The following ZNF765 variants were observed in gnomAD, a reference collection of about 807,000 sequenced individuals.
ZNF765 encodes the protein zinc finger protein 765.
A neutral mutation model predicts 44.7 loss-of-function variants in ZNF765; 37 were observed. The ratio of observed to expected loss-of-function variants is 0.83; its 90% CI spans 0.64 to 1.09. ZNF765 has a LOEUF of 1.09. Ranked by LOEUF, ZNF765 falls within the 50% of genes least tolerant of loss-of-function variation. The pLI, the probability that ZNF765 is intolerant of heterozygous loss-of-function variation, is 0.00. For synonymous variants in ZNF765, 201 were observed against 213.7 expected (o/e 0.94, Z 0.52); for missense variants, 594 against 626.1 (o/e 0.95, Z 0.55).
intron 3 of ZNF765, among the ~76,000 whole-genome samples, chr19:53,403,189 G>A (rs891575018): frequency 1.3e-5 from 2 of 151,904 alleles, no homozygotes; most frequent in African/African-American, 2.4e-5. Flanking sequence ...AATTTCATAT[G>A]TGTGTCCTTA....
chr19:53,401,424 G>C (rs1161797035), intron 2 of ZNF765, among the ~76,000 whole-genome samples: 1 of 152,050 alleles, frequency 6.6e-6, no homozygotes, highest in Non-Finnish European at 1.5e-5. Context: ...TTAGCTGGGC[G>C]TGGTGGTGGG....
chr19:53,416,003 G>A (rs1390664681), downstream of ZNF765, among the ~76,000 whole-genome samples: 3 of 152,016 alleles, frequency 2.0e-5, no homozygotes, highest in African/African-American at 7.2e-5. Context: ...CAACCAGGCT[G>A]CAGTGCAGTG....
chr19:53,397,901 A>G (rs62117275), intron 1 of ZNF765, 42 bp from the exon 2 acceptor site: 807,856 of 1,480,354 alleles, frequency 0.55, 234,584 homozygotes, highest in Non-Finnish European at 0.6. Context: ...GGGAGGGGAT[A>G]TGTTGATTCT....
At chr19:53,402,035 C>A (rs758197343) in intron 2 of ZNF765, 30 bp from the exon 3 acceptor site, 1 of 1,613,896 alleles carries the variant, frequency 6.2e-7, no homozygotes, top group Non-Finnish European at 8.5e-7. Flanking sequence ...CCTCCCATAA[C>A]CATTTGGTTA....
At chr19:53,412,399 ACATC>A (rs2085840946), downstream of ZNF765, among the ~76,000 whole-genome samples, 1 of 152,184 alleles carries the variant, frequency 6.6e-6, no homozygotes, top group Non-Finnish European at 1.5e-5. Context: ...AATCCTTTTT[ACATC>A]CTCTTGAATA....
chr19:53,401,779 G>C lies in ZNF765; in HGVS notation c.16-286G>C, dbSNP rs142334926. Reference sequence around the variant, plus strand: ...TAATTTCAGCTATTCAGGAGGCTAAGGCAGGAGAATCGTTTGATCCTGGGA... The same window carrying C: ...TAATTTCAGCTATTCAGGAGGCTAACGCAGGAGAATCGTTTGATCCTGGGA... On this transcript the variant is annotated intron_variant, in intron 2 of 3. Coordinates refer to ENST00000396408, the MANE Select transcript of ZNF765 (RefSeq NM_001040185.3). Among the ~76,000 whole-genome samples the C allele has an allele frequency of 4.1e-3, 616 of 151,970 alleles. 6 individuals carry two copies. Among genetic ancestry groups the C allele is most frequent in the African/African-American group, 0.014 (598 of 41,450 alleles).
At chr19:53,406,034 T>G (rs1269015252) in intron 3 of ZNF765, among the ~76,000 whole-genome samples, 1 of 4,860 alleles carries the variant, frequency 2.1e-4, no homozygotes, top group Non-Finnish European at 7.6e-4. Flanking sequence ...TCAATTTTTT[T>G]TTTTTTTTTT....
chr19:53,409,988 G>A lies in ZNF765; in HGVS notation c.*861G>A. On this transcript the variant is annotated 3_prime_UTR_variant, in exon 4 of 4. Coordinates refer to ENST00000396408, the MANE Select transcript of ZNF765 (RefSeq NM_001040185.3). ...AAATCATTGGAGAATCCATAATGAA[G>A]AGAGATCCTACAAGTGTGATAAATG... 1.8e-6 allele frequency: 1 copy of A among 542,680 alleles called. No homozygotes were observed. Among genetic ancestry groups the A allele is most frequent in the South Asian group, 1.5e-5 (1 of 66,994 alleles). The allele number at this position is 542,680 out of a possible 1,614,324, so 33.6% of individuals were successfully genotyped here.
At chr19:53,424,959 C>G (rs778250320) in exon 4 of ZNF765, 1 of 152,286 alleles carries the variant, frequency 6.6e-6, no homozygotes, top group Non-Finnish European at 1.5e-5. Flanking sequence ...CCACAGTGCC[C>G]GACCAAGATT....
At chr19:53,402,816 TC>T (rs2085740544) in intron 3 of ZNF765, among the ~76,000 whole-genome samples, 1 of 152,114 alleles carries the variant, frequency 6.6e-6, no homozygotes. Flanking sequence ...CTCCTTAGTC[TC>T]CCGAGTAGCT....
At position 53,408,649 on chromosome 19, in the gene ZNF765, G is replaced by A; in HGVS notation, c.1094G>A (p.Ser365Asn). 1.9e-6 allele frequency: 3 copies of A among 1,612,690 alleles called. No individual in the cohort carries two copies. The highest frequency in any genetic ancestry group is 1.1e-5 in the South Asian group (1 of 90,970). ...TGTAATGAGTGTGGCAAGACCTTTAGTCGGAAGTCACATTTTACATGCCAT... is the reference window on the plus strand; with the variant it reads ...TGTAATGAGTGTGGCAAGACCTTTAATCGGAAGTCACATTTTACATGCCAT... ...YKCNECGKTFSRKSHFTCHHR... is the reference protein window; with the variant it reads ...YKCNECGKTFNRKSHFTCHHR... The change falls in exon 4 of 4, where the codon AGT (serine) becomes AAT (asparagine). Residue 365 changes from serine (S) to asparagine (N), a missense_variant. Transcript: ENST00000396408.
At chr19:53,414,487 ACACCCC>A (rs2085862013), downstream of ZNF765, among the ~76,000 whole-genome samples, 4 of 1,912 alleles carry the variant, frequency 2.1e-3, no homozygotes, top group African/African-American at 6.0e-3. Context: ...ACACACACAC[ACACCCC>A]CCCCCCCCCC....
chr19:53,408,004 A>C lies in ZNF765; in HGVS notation c.449A>C (p.Glu150Ala), dbSNP rs1278710084. 6.2e-7 allele frequency: 1 copy of C among 1,614,206 alleles called. No homozygotes were observed. Among genetic ancestry groups the C allele is most frequent in the Admixed American group, 1.7e-5 (1 of 60,028 alleles). Reference protein sequence around the residue: ...LGFSFHSHLPELHIFHTEEKI... With the variant: ...LGFSFHSHLPALHIFHTEEKI... ...TTCAGCTTTCATTCGCATCTGCCTG[A>C]ACTGCACATATTTCACACTGAAGAG... Residue 150 changes from glutamate (E) to alanine (A), a missense_variant, in exon 4 of 4, where the codon GAA becomes GCA. Around this residue, in one of 2 missense-constraint regions of ZNF765, gnomAD observed 567 missense variants for 572.6 expected, o/e 0.99. Coordinates refer to ENST00000396408, the MANE Select transcript of ZNF765 (RefSeq NM_001040185.3).
Position 53,409,937 on chromosome 19 carries a change from G to A in ZNF765, c.*810G>A. On this transcript the variant is annotated 3_prime_UTR_variant, in exon 4 of 4. Coordinates refer to ENST00000396408, the MANE Select transcript of ZNF765 (RefSeq NM_001040185.3). ...TTACAAATGTAATGATTGTCACCAA[G>A]TCTTGAGTAATGCTACAACTATTGC... is the stretch of plus-strand genomic sequence containing the variant. 1 of 596,402 alleles carries A rather than the reference G, an allele frequency of 1.7e-6. No individual in the cohort carries two copies. The allele number at this position is 596,402 out of a possible 1,614,324, so 36.9% of individuals were successfully genotyped here.
At chr19:53,417,194 A>G (rs142881550) in intron 3 of ZNF765, among the ~76,000 whole-genome samples, 29 of 152,180 alleles carry the variant, frequency 1.9e-4, no homozygotes, top group Non-Finnish European at 4.0e-4. Context: ...AACGTGTGTC[A>G]TGGGAGTTTG....
intron 3 of ZNF765, among the ~76,000 whole-genome samples, chr19:53,406,175 G>C (rs1230070929): frequency 2.7e-5 from 4 of 150,126 alleles, no homozygotes; most frequent in East Asian, 2.0e-4. Context: ...ATTACAGGCA[G>C]CCACCACCAT....
chr19:53,395,994 G>C (rs62117272), intron 1 of ZNF765, among the ~76,000 whole-genome samples: 1 of 100,110 alleles, frequency 1.0e-5, no homozygotes, highest in Non-Finnish European at 2.4e-5. Context: ...CAGCAAATGT[G>C]GGGGAAAAAA....
At chr19:53,418,320 C>G (rs542562404) in intron 3 of ZNF765, among the ~76,000 whole-genome samples, 1 of 152,006 alleles carries the variant, frequency 6.6e-6, no homozygotes, top group Non-Finnish European at 1.5e-5. Context: ...GCCTGGGTGA[C>G]AGAGTGAGAC....
chr19:53,414,009 G>A (rs2085853615), downstream of ZNF765, among the ~76,000 whole-genome samples: 1 of 150,950 alleles, frequency 6.6e-6, no homozygotes, highest in African/African-American at 2.4e-5. Context: ...GGGAGGCTGA[G>A]GCGGGCGGAT....
Sources: allele counts gnomAD v4.1 joint callset (sites outside exome capture counted in the v4.1 genomes callset), GRCh38; gene constraint gnomAD v4.1.1; regional missense constraint gnomAD v4.1.1; transcripts MANE v1.5; gene names NCBI Gene and HGNC (gene_info 2026-07-23, HGNC 2026-07-21).